The following MYCL variants were observed in gnomAD, a reference collection of about 807,000 sequenced individuals.
MYCL encodes the protein protein L-Myc.
Under a neutral mutation model 31.0 loss-of-function variants are expected in MYCL, and 11 were observed. The observed-to-expected ratio is 0.35, with a 90% CI of 0.22 to 0.59. MYCL has a LOEUF of 0.59. Among genes scored for constraint, MYCL ranks in the 20% least tolerant of loss-of-function variants. MYCL has a pLI of 0.79. For missense variants in MYCL, 427 were observed against 486.1 expected (o/e 0.88, Z 1.14); for synonymous variants, 208 against 202.4 (o/e 1.03, Z -0.23).
rs1557605423 is a variant in MYCL, at chr1:39,897,699, A to G, written c.768T>C (p.Ser256=). ...CAGCCTCACTTTCTACAGGTGGGGG[A>G]CTCACAATCTCTTCATCCTCCTCAT... ...KEDEEDEEIV[S]PPPVESEAAQ... is the part of the protein sequence containing the mutation. The change falls in exon 2 of 2, where the codon AGT becomes AGC. Residue 256 remains serine (S), a synonymous_variant. Coordinates refer to ENST00000372816, the MANE Select transcript of MYCL (RefSeq NM_001033081.3). This position sits in a 1 kb window ranked among gnomAD's most constrained non-coding sequence, Gnocchi z 4.3. The G allele has an allele frequency of 6.2e-7, 1 of 1,614,120 alleles. No homozygotes were observed.
At position 39,901,848 on chromosome 1, in the gene MYCL, C is replaced by A. The variant is rs1241435200; in HGVS notation, c.-414G>T. 3 of 1,254,824 alleles carry A rather than the reference C, an allele frequency of 2.4e-6. No individual in the cohort carries two copies. Among genetic ancestry groups the A allele is most frequent in the African/African-American group, 1.6e-5 (1 of 62,746 alleles). The allele number at this position is 1,254,824 out of a possible 1,614,324, so 77.7% of individuals were successfully genotyped here. A position where few individuals can be genotyped will look rare whatever the true frequency, so the allele number is the denominator to read the frequency against. On this transcript the variant is annotated 5_prime_UTR_variant, in exon 1 of 2. Transcript: ENST00000372816. This position sits in a 1 kb window ranked among gnomAD's most constrained non-coding sequence, Gnocchi z 6.9. Reference sequence around the variant, plus strand: ...CGCCACCTGGAGCGGACCGGCTCCCCGCCGGCTCGGGGCAGCCCGGCAGCC... The same window carrying A: ...CGCCACCTGGAGCGGACCGGCTCCCAGCCGGCTCGGGGCAGCCCGGCAGCC...
intron 1 of MYCL, among the ~76,000 whole-genome samples, chr1:39,898,283 C>T (rs892465799): frequency 6.6e-6 from 1 of 152,202 alleles, no homozygotes; most frequent in Non-Finnish European, 1.5e-5. Flanking sequence ...CCCTCCCCCA[C>T]GGAGGGGTTG....
chr1:39,900,919 T>A lies in MYCL; in HGVS notation c.496+20A>T. 6.6e-7 allele frequency: 1 copy of A among 1,507,062 alleles called. No homozygotes were observed. Among genetic ancestry groups the A allele is most frequent in the Middle Eastern group, 1.8e-4 (1 of 5,586 alleles). The allele number at this position is 1,507,062 out of a possible 1,614,324, so 93.4% of individuals were successfully genotyped here. On this transcript the variant is annotated intron_variant, in intron 1 of 1. Transcript: ENST00000372816. ...ACCCATGGGGTGGCCCCCTCTTGGA[T>A]GGCTCGGGGAGGTCCTTACCCGAGT...
In MYCL at chr1:39,896,277, T is replaced by C. The variant is rs1644481885; in HGVS notation, c.*1095A>G. 1 of 196,888 alleles carries C rather than the reference T, an allele frequency of 5.1e-6. No individual in the cohort carries two copies. The highest frequency in any genetic ancestry group is 2.3e-5 in the African/African-American group (1 of 43,264). 12.2% of individuals were successfully genotyped at this position (196,888 alleles called of 1,614,324 possible). On this transcript the variant is annotated 3_prime_UTR_variant, in exon 2 of 2. Coordinates refer to ENST00000372816, the MANE Select transcript of MYCL (RefSeq NM_001033081.3). ...GAAAGATATCTGATTCATGGCAGGC[T>C]GGAAGGGGCCCAAGGGTGGCTGCAG...
Position 39,901,612 on chromosome 1 carries a change from T to A in MYCL, c.-178A>T, listed in dbSNP as rs2124721421. On this transcript the variant is annotated 5_prime_UTR_variant, in exon 1 of 2. Coordinates refer to ENST00000372816, the MANE Select transcript of MYCL (RefSeq NM_001033081.3). This position sits in a 1 kb window ranked among gnomAD's most constrained non-coding sequence, Gnocchi z 6.9. ...CGGGAAGCCGGGCCCCGGGTCAGAG[T>A]GGTAGGGGAAGCCAATCGCAGCGCG... is the stretch of plus-strand genomic sequence containing the variant. 7.1e-7 allele frequency: 1 copy of A among 1,404,882 alleles called. No individual in the cohort carries two copies. Among genetic ancestry groups the A allele is most frequent in the South Asian group, 1.6e-5 (1 of 64,022 alleles). 87.0% of individuals were successfully genotyped at this position (1,404,882 alleles called of 1,614,324 possible).
intron 1 of MYCL, chr1:39,898,551 C>G: frequency 1.6e-6 from 1 of 638,666 alleles, no homozygotes; most frequent in Non-Finnish European, 1.9e-6. Context: ...TCCCTCTTCA[C>G]CCACAGAGGG....
intron 1 of MYCL, chr1:39,899,122 G>T: frequency 1.0e-6 from 1 of 979,138 alleles, no homozygotes; most frequent in African/African-American, 1.7e-5. Context: ...TGATTACGCT[G>T]TGTTTGGACT....
In MYCL at chr1:39,897,422, A is replaced by G. The variant is rs1194583311; in HGVS notation, c.1045T>C (p.Cys349Arg). Residue 349 changes from cysteine (C) to arginine (R), a missense_variant, in exon 2 of 2, where the codon TGC (cysteine) becomes CGC (arginine). Physicochemically the swap from Cys to Arg is radical, Grantham distance 180. Transcript: ENST00000372816. This position sits in a 1 kb window ranked among gnomAD's most constrained non-coding sequence, Gnocchi z 4.3. ...CTTTTCTGCAACTGCTGCTGCCGGCATCGGAGCTGTCTTTTCTCTGTAGCC... is the reference window on the plus strand; with the variant it reads ...CTTTTCTGCAACTGCTGCTGCCGGCGTCGGAGCTGTCTTTTCTCTGTAGCC... ...RMATEKRQLR[C>R]RQQQLQKRIA... is the part of the protein sequence containing the mutation. The G allele has an allele frequency of 1.2e-6, 2 of 1,611,854 alleles. No homozygotes were observed. The highest frequency in any genetic ancestry group is 1.7e-5 in the Admixed American group (1 of 59,926).
At position 39,896,973 on chromosome 1, in the gene MYCL, C is replaced by A. The variant is rs997935769; in HGVS notation, c.*399G>T. On this transcript the variant is annotated 3_prime_UTR_variant, in exon 2 of 2. Transcript: ENST00000372816. ...TCACCCCAGAGACACCAGTTGGGAG[C>A]ATCCTTTCCTAGCCTAAAGCTCATG... 3 of 218,476 alleles carry A rather than the reference C, an allele frequency of 1.4e-5. No individual in the cohort carries two copies. The Admixed American group carries it at 1.5e-4, about 11-fold the overall frequency. The allele number at this position is 218,476 out of a possible 1,614,324, so 13.5% of individuals were successfully genotyped here. A position where few individuals can be genotyped will look rare whatever the true frequency, so the allele number is the denominator to read the frequency against.
chr1:39,896,147 C>G lies in MYCL; in HGVS notation c.*1225G>C. 4.8e-6 allele frequency: 1 copy of G among 206,450 alleles called. No individual in the cohort carries two copies. The highest frequency in any genetic ancestry group is 9.9e-6 in the Non-Finnish European group (1 of 101,024). The allele number at this position is 206,450 out of a possible 1,614,324, so 12.8% of individuals were successfully genotyped here. A position where few individuals can be genotyped will look rare whatever the true frequency, so the allele number is the denominator to read the frequency against. On this transcript the variant is annotated 3_prime_UTR_variant, in exon 2 of 2. Transcript: ENST00000372816. Reference sequence around the variant, plus strand: ...ATCCATCATGGTTGGCTAAGCATATCTCCTGGAGGCTCCTTTAAAACCCAC... The same window carrying G: ...ATCCATCATGGTTGGCTAAGCATATGTCCTGGAGGCTCCTTTAAAACCCAC...
Position 39,895,827 on chromosome 1 carries a change from C to T in MYCL, c.*1545G>A, listed in dbSNP as rs1644477806. The T allele has an allele frequency of 4.5e-6, 1 of 222,650 alleles. No individual in the cohort carries two copies. The highest frequency in any genetic ancestry group is 9.0e-6 in the Non-Finnish European group (1 of 111,492). The allele number at this position is 222,650 out of a possible 1,614,324, so 13.8% of individuals were successfully genotyped here. On this transcript the variant is annotated 3_prime_UTR_variant, in exon 2 of 2. Transcript: ENST00000372816. ...AACATCCCCTGGGGTCCTCTGAGGC[C>T]AAGAAGCAACCTCAGAAAGAAACCA...
intron 1 of MYCL, 54 bp downstream of exon 1, chr1:39,900,885 G>A (rs1264022505): frequency 2.0e-6 from 3 of 1,509,590 alleles, no homozygotes; most frequent in African/African-American, 1.4e-5. Flanking sequence ...CAGGGGCAGA[G>A]CTTTGGCCAC....
At position 39,901,084 on chromosome 1, in the gene MYCL, C is replaced by T. The variant is rs2124719967; in HGVS notation, c.351G>A (p.Ala117=). The T allele has an allele frequency of 6.4e-7, 1 of 1,570,552 alleles. No individual in the cohort carries two copies. The highest frequency in any genetic ancestry group is 8.6e-7 in the Non-Finnish European group (1 of 1,158,166). The change falls in exon 1 of 2, where the codon GCG becomes GCA. Residue 117 remains alanine, a synonymous_variant. Transcript: ENST00000372816. This position sits in a 1 kb window ranked among gnomAD's most constrained non-coding sequence, Gnocchi z 6.9. ...RAVSDRLAPG[A]PRGNPPKASA... is the part of the protein sequence containing the mutation. ...ACGCCTTGGGCGGGTTCCCCCGGGG[C>T]GCGCCAGGAGCGAGCCGGTCGCTCA...
chr1:39,897,821 C>A lies in MYCL; in HGVS notation c.646G>T (p.Ala216Ser), dbSNP rs779281553. The part of the protein sequence containing the change: ...SIHQQQHNYA[A>S]RFPPESCSQE... ...GAGCAGCTTTCTGGAGGAAAACGGG[C>A]AGCATAGTTGTGCTGTTGCTGATGG... Residue 216 changes from alanine to serine, a missense_variant, in exon 2 of 2, where the codon GCC (alanine) becomes TCC (serine). Coordinates refer to ENST00000372816, the MANE Select transcript of MYCL (RefSeq NM_001033081.3). This position sits in a 1 kb window ranked among gnomAD's most constrained non-coding sequence, Gnocchi z 4.3. The A allele has an allele frequency of 3.1e-6, 5 of 1,614,062 alleles. No individual in the cohort carries two copies. The highest frequency in any genetic ancestry group is 1.3e-5 in the African/African-American group (1 of 74,916).
Position 39,897,857 on chromosome 1 carries a change from G to A in MYCL, c.610C>T (p.His204Tyr), listed in dbSNP as rs1644497982. Residue 204 changes from histidine (H) to tyrosine (Y), a missense_variant, in exon 2 of 2, where the codon CAC becomes TAC. Coordinates refer to ENST00000372816, the MANE Select transcript of MYCL (RefSeq NM_001033081.3). The surrounding 1 kb of genome is among the most constrained non-coding windows in gnomAD (Gnocchi z 4.3). ...TGCTGTTGCTGATGGATGGAGATGT[G>A]GAAATGCTTCATGCAGGGATCCAGG... ...DPLDPCMKHF[H>Y]ISIHQQQHNY... The A allele has an allele frequency of 6.2e-7, 1 of 1,614,080 alleles. No homozygotes were observed. Among genetic ancestry groups the A allele is most frequent in the African/African-American group, 1.3e-5 (1 of 74,914 alleles).
At chr1:39,900,162 A>G (rs1391363562) in intron 1 of MYCL, 13 of 985,384 alleles carry the variant, frequency 1.3e-5, no homozygotes, top group Non-Finnish European at 1.6e-5. Flanking sequence ...ATTGAGGGGG[A>G]GCAAGAAGGA....
At chr1:39,900,905 G>A (rs576790739) in intron 1 of MYCL, 34 bp downstream of exon 1, 1 of 1,507,598 alleles carries the variant, frequency 6.6e-7, no homozygotes, top group Non-Finnish European at 8.8e-7. Flanking sequence ...CCCATGGGGT[G>A]GCCCCCTCTT....
Position 39,896,926 on chromosome 1 carries a change from T to C in MYCL, c.*446A>G, listed in dbSNP as rs899964648. 1.5e-5 allele frequency: 3 copies of C among 202,718 alleles called. No homozygotes were observed. Among genetic ancestry groups the C allele is most frequent in the African/African-American group, 7.0e-5 (3 of 43,116 alleles). 12.6% of individuals were successfully genotyped at this position (202,718 alleles called of 1,614,324 possible). On this transcript the variant is annotated 3_prime_UTR_variant, in exon 2 of 2. Coordinates refer to ENST00000372816, the MANE Select transcript of MYCL (RefSeq NM_001033081.3). ...GGAAAAAGGAGCCTCAGGGAGAGCA[T>C]CCAGGCCCAGCTGTCCTTGCATCAC...
chr1:39,899,134 CTG>C (rs1380046810), intron 1 of MYCL: 6 of 954,500 alleles, frequency 6.3e-6, no homozygotes, highest in Non-Finnish European at 7.5e-6. Flanking sequence ...GTTTGGACTT[CTG>C]TCTTACCCAG....
Sources: allele counts gnomAD v4.1 joint callset (sites outside exome capture counted in the v4.1 genomes callset), GRCh38; gene constraint gnomAD v4.1.1; non-coding constraint Gnocchi (gnomAD v3.1); transcripts MANE v1.5; gene names NCBI Gene and HGNC (gene_info 2026-07-23, HGNC 2026-07-21).